Variants in CSMD3 observed in about 807,000 individuals in gnomAD.
CSMD3 encodes the protein CUB and Sushi multiple domains 3, also known as CUB and sushi domain-containing protein 3.
Under a neutral mutation model 435.2 loss-of-function variants are expected in CSMD3, and 177 were observed. That is an observed-to-expected ratio of 0.41 (90% CI 0.36 to 0.46). CSMD3 has a LOEUF of 0.46. Ranked by LOEUF, CSMD3 falls within the 20% of genes least tolerant of loss-of-function variation. The pLI, the probability that CSMD3 is intolerant of heterozygous loss-of-function variation, is 0.34. For missense variants in CSMD3, 4,265 were observed against 4,504.6 expected (o/e 0.95, Z 1.52); for synonymous variants, 1,656 against 1,520.5 (o/e 1.09, Z -2.07).
In CSMD3 at chr8:112,650,207, T is replaced by C; in HGVS notation, c.3147A>G (p.Leu1049=). The C allele has an allele frequency of 6.2e-7, 1 of 1,614,026 alleles. No individual in the cohort carries two copies. Among genetic ancestry groups the C allele is most frequent in the Non-Finnish European group, 8.5e-7 (1 of 1,179,906 alleles). The part of the protein sequence containing the change: ...GYRLSHEEPL[L]CEKNHWWSHP... The stretch of plus-strand genomic sequence containing the variant: ...GACTCCACCAGTGGTTTTTTTCGCA[T>C]AGAAGGGGCTCTTCATGACTCAACC... The change falls in exon 19 of 71, where the codon CTA becomes CTG. Residue 1049 remains leucine (L), a synonymous_variant. Coordinates refer to ENST00000297405, the MANE Select transcript of CSMD3 (RefSeq NM_198123.2).
At chr8:112,550,408 C>A (rs1827576025) in intron 27 of CSMD3, among the ~76,000 whole-genome samples, 1 of 150,902 alleles carries the variant, frequency 6.6e-6, no homozygotes, top group African/African-American at 2.4e-5. Flanking sequence ...TTTTTTTTAG[C>A]TGAGTAATTT....
At chr8:112,341,031 T>C (rs893966830) in intron 42 of CSMD3, among the ~76,000 whole-genome samples, 1 of 152,086 alleles carries the variant, frequency 6.6e-6, no homozygotes, top group Non-Finnish European at 1.5e-5. Context: ...TATATTCTCA[T>C]GACAATAGAA....
At chr8:113,398,232 T>C (rs999242733) in intron 1 of CSMD3, among the ~76,000 whole-genome samples, 4 of 152,228 alleles carry the variant, frequency 2.6e-5, no homozygotes, top group Non-Finnish European at 4.4e-5. Flanking sequence ...GCTTAAGGTA[T>C]GAAATAATTA....
chr8:113,184,562 T>C (rs1451643927), intron 3 of CSMD3, among the ~76,000 whole-genome samples: 1 of 152,056 alleles, frequency 6.6e-6, no homozygotes, highest in Non-Finnish European at 1.5e-5. Flanking sequence ...TTTCACAATA[T>C]TGGAGTCCAC....
At chr8:112,750,408 C>T (rs1184634697) in intron 13 of CSMD3, among the ~76,000 whole-genome samples, 2 of 151,728 alleles carry the variant, frequency 1.3e-5, no homozygotes, top group South Asian at 2.1e-4. Flanking sequence ...AGGCTAAAAT[C>T]CCTGCTTTCA....
chr8:113,041,813 C>T lies in CSMD3; in HGVS notation c.918-22634G>A, dbSNP rs181534334. ...ATGAATCTTCATTGTGTACCTCCTA[C>T]GATATACTTTTGCTTCTGTTTTATA... On this transcript the variant is annotated intron_variant, in intron 5 of 70. Transcript: ENST00000297405. Among the ~76,000 whole-genome samples, 209 of 152,104 alleles carry T rather than the reference C, an allele frequency of 1.4e-3. 1 individual carries two copies. Among genetic ancestry groups the T allele is most frequent in the African/African-American group, 4.7e-3 (197 of 41,500 alleles).
intron 22 of CSMD3, among the ~76,000 whole-genome samples, chr8:112,590,009 A>T (rs1051077350): frequency 5.9e-5 from 9 of 152,194 alleles, no homozygotes; most frequent in Non-Finnish European, 1.2e-4. Flanking sequence ...AATATGTTAC[A>T]ATAAAAAAGC....
Position 112,420,088 on chromosome 8 carries a change from A to G in CSMD3, c.5396-11056T>C, listed in dbSNP as rs79535133. The stretch of plus-strand genomic sequence containing the variant: ...ATGTCTGCCAAATCCCAATTAGGTC[A>G]GAAAGATTAAAGCCAGAAAAACATT... On this transcript the variant is annotated intron_variant, in intron 32 of 70. Coordinates refer to ENST00000297405, the MANE Select transcript of CSMD3 (RefSeq NM_198123.2). Among the ~76,000 whole-genome samples the G allele has an allele frequency of 1.9e-4, 29 of 152,286 alleles. No homozygotes were observed. In the East Asian group the frequency reaches 5.6e-3, roughly 29 times the overall value.
intron 5 of CSMD3, among the ~76,000 whole-genome samples, chr8:113,082,826 T>C (rs2089619297): frequency 1.3e-5 from 2 of 152,034 alleles, no homozygotes; most frequent in African/African-American, 2.4e-5. Context: ...CAATTGAGTG[T>C]CAACAATAGA....
intron 22 of CSMD3, among the ~76,000 whole-genome samples, chr8:112,627,736 C>T (rs1052732174): frequency 4.6e-5 from 7 of 152,106 alleles, no homozygotes; most frequent in African/African-American, 1.2e-4. Flanking sequence ...GAAACCCTCC[C>T]TATGGGTGAA....
intron 1 of CSMD3, among the ~76,000 whole-genome samples, chr8:113,347,838 G>A (rs2094162476): frequency 6.6e-6 from 1 of 152,004 alleles, no homozygotes; most frequent in Non-Finnish European, 1.5e-5. Flanking sequence ...AAAATGAAGA[G>A]AAATGATACT....
chr8:112,552,868 A>G, intron 25 of CSMD3, 148 bp from the exon 26 acceptor site: 1 of 666,938 alleles, frequency 1.5e-6, no homozygotes, highest in Non-Finnish European at 2.5e-6. Context: ...GTATCAATTG[A>G]AGCAAGAATA....
chr8:112,331,838 A>C (rs1035052535), intron 45 of CSMD3, among the ~76,000 whole-genome samples: 2 of 152,058 alleles, frequency 1.3e-5, no homozygotes, highest in Non-Finnish European at 2.9e-5. Flanking sequence ...TAAGCTTATA[A>C]TGAATTATAT....
At chr8:112,422,788 A>G (rs1326005302) in intron 32 of CSMD3, among the ~76,000 whole-genome samples, 1 of 152,204 alleles carries the variant, frequency 6.6e-6, no homozygotes, top group Non-Finnish European at 1.5e-5. Context: ...AAATAAATCA[A>G]ATTAACCACT....
At chr8:112,704,333 C>G (rs1487504725) in intron 13 of CSMD3, among the ~76,000 whole-genome samples, 1 of 152,028 alleles carries the variant, frequency 6.6e-6, no homozygotes, top group East Asian at 1.9e-4. Context: ...TGATAAAAAA[C>G]TATGCTTTTC....
intron 1 of CSMD3, among the ~76,000 whole-genome samples, chr8:113,426,231 T>G (rs2094635134): frequency 6.6e-6 from 1 of 151,444 alleles, no homozygotes; most frequent in South Asian, 2.1e-4. Flanking sequence ...AAAATTATAC[T>G]TCTGATAATG....
At chr8:112,525,927 A>ATATAAATATATATATATATATAT (rs1824905874) in intron 27 of CSMD3, among the ~76,000 whole-genome samples, 1 of 143,830 alleles carries the variant, frequency 7.0e-6, no homozygotes, top group Non-Finnish European at 1.5e-5. Context: ...TATATATATA[A>ATATAAATATATATATATATATAT]ATATATATAT....
chr8:112,537,456 T>G (rs1826227715), intron 27 of CSMD3, among the ~76,000 whole-genome samples: 1 of 151,826 alleles, frequency 6.6e-6, no homozygotes, highest in Non-Finnish European at 1.5e-5. Flanking sequence ...ACTCTCTTTT[T>G]GAAAAGATAA....
chr8:113,358,803 T>C (rs983932502), intron 1 of CSMD3, among the ~76,000 whole-genome samples: 1 of 151,998 alleles, frequency 6.6e-6, no homozygotes, highest in African/African-American at 2.4e-5. Flanking sequence ...GGGGCAGAGA[T>C]AGTCAAAACT....
Sources: gnomAD v4.1 joint callset for allele counts (sites outside exome capture counted in the v4.1 genomes callset) on GRCh38, gnomAD v4.1.1 for gene constraint, MANE v1.5 for transcripts, NCBI Gene and HGNC (gene_info 2026-07-23, HGNC 2026-07-21) for gene names.